TENM3: variants seen among roughly 807,000 people sequenced by gnomAD.
TENM3 encodes the protein teneurin transmembrane protein 3.
Under a neutral mutation model 255.1 loss-of-function variants are expected in TENM3, and 63 were observed. The ratio of observed to expected loss-of-function variants is 0.25; its 90% CI spans 0.20 to 0.30. The LOEUF (loss-of-function observed/expected upper bound fraction) is 0.30. TENM3 is among the 10% of genes least tolerant of loss of function. The pLI is 1.00. For missense variants in TENM3, 2,929 were observed against 3,461.1 expected (o/e 0.85, Z 3.86); for synonymous variants, 1,306 against 1,322.3 (o/e 0.99, Z 0.27).
At chr4:181,806,092 A>G in the TENM3 span, among the ~76,000 whole-genome samples, 2 of 152,346 alleles carry the variant, frequency 1.3e-5, no homozygotes, top group South Asian at 2.1e-4. Flanking sequence ...TAAGAACATT[A>G]TAAATTAAAT....
At chr4:182,586,029 G>A (rs1313993755) in intron 3 of TENM3, among the ~76,000 whole-genome samples, 1 of 152,222 alleles carries the variant, frequency 6.6e-6, no homozygotes, top group Non-Finnish European at 1.5e-5. Context: ...CAAGGTGGGA[G>A]GATCACTTGA....
At chr4:181,769,883 A>G in the TENM3 span, among the ~76,000 whole-genome samples, 6 of 152,216 alleles carry the variant, frequency 3.9e-5, no homozygotes, top group Non-Finnish European at 7.3e-5. Flanking sequence ...ACCAATGTCT[A>G]TTAAATTTAT....
At chr4:181,739,394 T>C in the TENM3 span, among the ~76,000 whole-genome samples, 236 of 152,306 alleles carry the variant, frequency 1.5e-3, 1 homozygote, top group African/African-American at 5.6e-3. Context: ...TTCGAACTGT[T>C]GCCTCTCGTA....
intron 13 of TENM3, among the ~76,000 whole-genome samples, chr4:182,726,571 T>C (rs1024748824): frequency 1.8e-4 from 27 of 152,128 alleles, no homozygotes; most frequent in African/African-American, 6.3e-4. Flanking sequence ...TTGTTAGACA[T>C]GTTAGGTCAC....
At chr4:181,713,073 C>T in the TENM3 span, among the ~76,000 whole-genome samples, 13 of 152,180 alleles carry the variant, frequency 8.5e-5, no homozygotes, top group Admixed American at 1.3e-4. Flanking sequence ...GGAAACCTTT[C>T]CCAGAGTACC....
intron 1 of TENM3, among the ~76,000 whole-genome samples, chr4:182,267,352 T>C (rs1759307139): frequency 6.6e-6 from 1 of 152,226 alleles, no homozygotes; most frequent in South Asian, 2.1e-4. Flanking sequence ...ACAATAAGAA[T>C]CTGTTTTCTT....
chr4:181,935,169 A>G, the TENM3 span, among the ~76,000 whole-genome samples: 2 of 152,248 alleles, frequency 1.3e-5, no homozygotes, highest in Non-Finnish European at 2.9e-5. Flanking sequence ...AAGACAGTTT[A>G]TTAATAATAA....
At chr4:182,377,100 T>G (rs544234556) in intron 3 of TENM3, among the ~76,000 whole-genome samples, 1 of 152,262 alleles carries the variant, frequency 6.6e-6, no homozygotes, top group Non-Finnish European at 1.5e-5. Flanking sequence ...AGTTAAATGG[T>G]CAGCTAACCG....
intron 4 of TENM3, among the ~76,000 whole-genome samples, chr4:182,608,356 T>C (rs1346116935): frequency 6.6e-6 from 1 of 152,188 alleles, no homozygotes; most frequent in African/African-American, 2.4e-5. Context: ...CATCTCTGGT[T>C]CAAGCAATCC....
intron 3 of TENM3, among the ~76,000 whole-genome samples, chr4:182,515,142 T>C (rs904779106): frequency 1.3e-5 from 2 of 152,042 alleles, no homozygotes; most frequent in African/African-American, 4.8e-5. Context: ...TGGGGGAGAA[T>C]AGGTTGCAAT....
At chr4:182,233,718 T>A (rs1756719156) in intron 1 of TENM3, among the ~76,000 whole-genome samples, 1 of 152,222 alleles carries the variant, frequency 6.6e-6, no homozygotes, top group Non-Finnish European at 1.5e-5. Context: ...GGTAAATTCT[T>A]TTACCAAAGG....
the TENM3 span, among the ~76,000 whole-genome samples, chr4:181,866,813 C>T: frequency 1.2e-3 from 177 of 152,296 alleles, 4 homozygotes; most frequent in African/African-American, 4.2e-3. Context: ...CCTAAGGCCA[C>T]AGTCTTCAGA....
the TENM3 span, among the ~76,000 whole-genome samples, chr4:181,737,183 AT>A: frequency 6.6e-6 from 1 of 152,156 alleles, no homozygotes; most frequent in Non-Finnish European, 1.5e-5. Context: ...GTACAGATAT[AT>A]TGTTCCACTT....
chr4:181,546,935 C>G, the TENM3 span, among the ~76,000 whole-genome samples: 1 of 152,004 alleles, frequency 6.6e-6, no homozygotes, highest in Non-Finnish European at 1.5e-5. Context: ...GCTGCTCTTG[C>G]TACTTCACAT....
the TENM3 span, among the ~76,000 whole-genome samples, chr4:181,692,092 A>G: frequency 1.4e-4 from 21 of 152,304 alleles, no homozygotes; most frequent in African/African-American, 4.6e-4. Flanking sequence ...CACATGGATG[A>G]ACGAATTGAT....
chr4:182,229,385 C>T (rs889454329), intron 1 of TENM3, among the ~76,000 whole-genome samples: 16 of 152,084 alleles, frequency 1.1e-4, no homozygotes, highest in South Asian at 6.2e-4. Context: ...CAGAGTCTTA[C>T]GGTTTTAGCT....
Position 182,415,282 on chromosome 4 carries a change from G to A in TENM3, c.511+68353G>A, listed in dbSNP as rs140266755. 7.6e-3 allele frequency among the ~76,000 whole-genome samples: 1,161 copies of A among 152,296 alleles called. 11 individuals carry two copies. Among genetic ancestry groups the A allele is most frequent in the Non-Finnish European group, 0.012 (832 of 68,018 alleles). On this transcript the variant is annotated intron_variant, in intron 3 of 27. Coordinates refer to ENST00000511685, the MANE Select transcript of TENM3 (RefSeq NM_001080477.4). ...GGCACTGTTATCTTTGATTCCAAAA[G>A]AGAATGTAGCATTTCAAATGTCGGA...
the TENM3 span, among the ~76,000 whole-genome samples, chr4:182,008,814 G>T: frequency 6.6e-6 from 1 of 151,916 alleles, no homozygotes; most frequent in South Asian, 2.1e-4. Context: ...TGGCCTTTTG[G>T]GTTTTCAGCA....
the TENM3 span, among the ~76,000 whole-genome samples, chr4:181,505,744 A>G: frequency 6.6e-6 from 1 of 152,182 alleles, no homozygotes; most frequent in Non-Finnish European, 1.5e-5. Flanking sequence ...AATCTTTGCA[A>G]AAGATTATAG....
Sources: gnomAD v4.1 joint callset for allele counts (sites outside exome capture counted in the v4.1 genomes callset) on GRCh38, gnomAD v4.1.1 for gene constraint, MANE v1.5 for transcripts, NCBI Gene and HGNC (gene_info 2026-07-23, HGNC 2026-07-21) for gene names.